TJP2: variants seen among roughly 807,000 people sequenced by gnomAD.
TJP2 encodes Friedreich ataxia region gene X104 (tight junction protein ZO-2).
In TJP2, 91 loss-of-function variants were observed where a neutral mutation model predicts 133.1. The observed-to-expected ratio is 0.68, with a 90% CI of 0.58 to 0.81. TJP2 has a LOEUF of 0.81. Among genes scored for constraint, TJP2 ranks in the 40% least tolerant of loss-of-function variants. The pLI is 0.00. For synonymous variants in TJP2, 592 were observed against 583.4 expected, an observed-to-expected ratio of 1.01 and a Z score of -0.21; for missense variants, 1,541 against 1,565.6, an observed-to-expected ratio of 0.98 and a Z score of 0.26.
chr9:69,130,050 AAAAG>A (rs1403347869), intron 1 of TJP2, among the ~76,000 whole-genome samples: 1 of 151,980 alleles, frequency 6.6e-6, no homozygotes, highest in Non-Finnish European at 1.5e-5. Context: ...AAAAAAAAGA[AAAAG>A]AAAGTAAAAA....
intron 22 of TJP2, chr9:69,253,164 G>T: frequency 1.9e-6 from 1 of 517,318 alleles, no homozygotes; most frequent in Non-Finnish European, 3.5e-6. Context: ...TTGGAGCCTG[G>T]TTATGTTACA....
intron 1 of TJP2, among the ~76,000 whole-genome samples, chr9:69,175,798 T>G (rs188584784): frequency 6.6e-6 from 1 of 152,228 alleles, no homozygotes; most frequent in East Asian, 1.9e-4. Flanking sequence ...TTGAGGTGTT[T>G]CTTGTGTTTT....
At position 69,227,974 on chromosome 9, in the gene TJP2, G is replaced by A; in HGVS notation, c.1320-7G>A. 1.2e-6 allele frequency: 2 copies of A among 1,614,198 alleles called. No individual in the cohort carries two copies. Among genetic ancestry groups the A allele is most frequent in the Non-Finnish European group, 1.7e-6 (2 of 1,180,034 alleles). On this transcript the variant is annotated splice_polypyrimidine_tract_variant and splice_region_variant and intron_variant, in intron 8 of 22. Coordinates refer to ENST00000377245, the MANE Select transcript of TJP2 (RefSeq NM_004817.4). ...CTTGAGACATTTACGTATGACATGT[G>A]ATTCAGTTCCAGAGAGGACACGCCG...
chr9:69,205,681 T>G (rs774389921), intron 1 of TJP2, among the ~76,000 whole-genome samples: 1 of 152,280 alleles, frequency 6.6e-6, no homozygotes, highest in Non-Finnish European at 1.5e-5. Flanking sequence ...TGTTCTTTTT[T>G]CCTCTTACAG....
At chr9:69,232,081 C>T (rs776307215) in intron 11 of TJP2, among the ~76,000 whole-genome samples, 8 of 152,084 alleles carry the variant, frequency 5.3e-5, no homozygotes, top group East Asian at 1.9e-4. Flanking sequence ...TGGGGAGAGT[C>T]GCTTTGGTGG....
Position 69,239,939 on chromosome 9 carries a change from T to A in TJP2, c.2358T>A (p.Asp786Glu), listed in dbSNP as rs1387052187. The A allele has an allele frequency of 6.2e-7, 1 of 1,613,618 alleles. No individual in the cohort carries two copies. Among genetic ancestry groups the A allele is most frequent in the African/African-American group, 1.3e-5 (1 of 74,946 alleles). Residue 786 changes from aspartate (D) to glutamate (E), a missense_variant and splice_region_variant, in exon 17 of 23, where the codon GAT (aspartate) becomes GAA (glutamate). Physicochemically the swap from Asp to Glu is conservative, Grantham distance 45. Coordinates refer to ENST00000377245, the MANE Select transcript of TJP2 (RefSeq NM_004817.4). ...LNTVRQIIEQ[D>E]KHALLDVTPK... The stretch of plus-strand genomic sequence containing the variant: ...AACTTTTCCCCTTTTGTAAACAGGA[T>A]AAGCATGCACTACTGGATGTGACTC...
At chr9:69,145,726 G>T in intron 1 of TJP2, 1 of 1,231,946 alleles carries the variant, frequency 8.1e-7, no homozygotes. Context: ...AAATATATCG[G>T]TATTCTGGAA....
At chr9:69,239,742 A>C (rs760542619) in intron 16 of TJP2, among the ~76,000 whole-genome samples, 195 bp from the exon 17 acceptor site, 1 of 152,150 alleles carries the variant, frequency 6.6e-6, no homozygotes, top group Non-Finnish European at 1.5e-5. Context: ...TGAACCCGGG[A>C]GGCGGAGGTC....
intron 1 of TJP2, among the ~76,000 whole-genome samples, chr9:69,136,591 A>G (rs772490313): frequency 6.6e-6 from 1 of 152,236 alleles, no homozygotes; most frequent in Non-Finnish European, 1.5e-5. Context: ...AGGAAAATTT[A>G]GAACAAAGTG....
intron 12 of TJP2, among the ~76,000 whole-genome samples, chr9:69,234,850 C>A (rs10867187): frequency 6.6e-6 from 1 of 152,016 alleles, no homozygotes; most frequent in Non-Finnish European, 1.5e-5. Context: ...AGTTTACATA[C>A]GACATGTGCA....
intron 2 of TJP2, chr9:69,151,894 T>A: frequency 1.0e-6 from 1 of 975,606 alleles, no homozygotes; most frequent in Non-Finnish European, 1.3e-6. Flanking sequence ...TGCTGATATA[T>A]ACATTTTCAT....
chr9:69,204,786 A>G, intron 1 of TJP2: 1 of 1,037,952 alleles, frequency 9.6e-7, no homozygotes, highest in African/African-American at 1.7e-5. Context: ...ACTTCTCTAA[A>G]TATTCTTTTC....
Position 69,248,054 on chromosome 9 carries a change from T to G in TJP2, c.2710T>G (p.Leu904Val). 1 of 1,613,908 alleles carries G rather than the reference T, an allele frequency of 6.2e-7. No individual in the cohort carries two copies. Reference protein sequence around the residue: ...DDDPEDRMSYLTAMGADYLSC... With the variant: ...DDDPEDRMSYVTAMGADYLSC... Reference sequence around the variant, plus strand: ...TGACCCCGAAGACCGCATGTCCTACTTAACCGCCATGGGCGCGGACTATCT... The same window carrying G: ...TGACCCCGAAGACCGCATGTCCTACGTAACCGCCATGGGCGCGGACTATCT... The change falls in exon 19 of 23, where the codon TTA becomes GTA. Residue 904 changes from leucine to valine, a missense_variant. Leu to Val is a conservative substitution (Grantham distance 32). Coordinates refer to ENST00000377245, the MANE Select transcript of TJP2 (RefSeq NM_004817.4).
intron 1 of TJP2, among the ~76,000 whole-genome samples, chr9:69,192,542 G>C (rs1042758451): frequency 7.2e-5 from 11 of 152,174 alleles, no homozygotes; most frequent in African/African-American, 2.4e-4. Context: ...AGAAGTTCTT[G>C]CTTGGATTTT....
Position 69,233,175 on chromosome 9 carries a change from C to T in TJP2, c.1672-1264C>T, listed in dbSNP as rs546500320. 2.0e-5 allele frequency among the ~76,000 whole-genome samples: 3 copies of T among 152,296 alleles called. No homozygotes were observed. The South Asian group carries it at 6.2e-4, about 32-fold the overall frequency. On this transcript the variant is annotated intron_variant, in intron 11 of 22. Transcript: ENST00000377245. ...AATACTGTTTCAAAGGAAAAATTAA[C>T]TCAATTGCTTTAGCACATCACTTTA... is the stretch of plus-strand genomic sequence containing the variant.
chr9:69,136,242 G>C (rs1243109949), intron 1 of TJP2, among the ~76,000 whole-genome samples: 1 of 152,080 alleles, frequency 6.6e-6, no homozygotes, highest in East Asian at 1.9e-4. Context: ...AAGAATAATG[G>C]GTGCAGTGGC....
chr9:69,248,179 G>A lies in TJP2; in HGVS notation c.2835G>A (p.Leu945=). Residue 945 remains leucine, a synonymous_variant, in exon 19 of 23, where the codon CTG becomes CTA. Transcript: ENST00000377245. Reference sequence around the variant, plus strand: ...TGGATGAGCCAGCCGAGGAGCCGCTGGTGTCGTCCATCACCCGCTCCTCGG... The same window carrying A: ...TGGATGAGCCAGCCGAGGAGCCGCTAGTGTCGTCCATCACCCGCTCCTCGG... The part of the protein sequence containing the change: ...NELDEPAEEP[L]VSSITRSSEP... The A allele has an allele frequency of 6.2e-7, 1 of 1,612,992 alleles. No homozygotes were observed. The highest frequency in any genetic ancestry group is 2.2e-5 in the East Asian group (1 of 44,856).
rs576952093 is a variant in TJP2, at chr9:69,211,141, C to T, written c.61-1407C>T. ...GATCACAAGGTCAGGAGTTTGAGAC[C>T]AGCCTGATCAACATGGTGAAGCCCC... On this transcript the variant is annotated intron_variant, in intron 1 of 22. Transcript: ENST00000377245. 6.6e-5 allele frequency among the ~76,000 whole-genome samples: 10 copies of T among 152,256 alleles called. No homozygotes were observed. In the East Asian group the frequency reaches 1.9e-3, roughly 29 times the overall value.
Position 69,225,483 on chromosome 9 carries a change from A to G in TJP2, c.1056+76A>G, listed in dbSNP as rs571074545. The G allele has an allele frequency of 1.1e-4, 99 of 940,392 alleles. 1 individual carries two copies. The African/African-American group carries it at 1.4e-3, about 14-fold the overall frequency. The allele number at this position is 940,392 out of a possible 1,614,324, so 58.3% of individuals were successfully genotyped here. On this transcript the variant is annotated intron_variant, in intron 6 of 22. Transcript: ENST00000377245. ...CTGCATGTCCACATTCAGCACCCAC[A>G]CAGTGAGACTTAGATCCAGTGAGAG...
Sources: allele counts gnomAD v4.1 joint callset (sites outside exome capture counted in the v4.1 genomes callset), GRCh38; gene constraint gnomAD v4.1.1; transcripts MANE v1.5; gene names NCBI Gene and HGNC (gene_info 2026-07-23, HGNC 2026-07-21).